The following LCLAT1 variants were observed in gnomAD, a reference collection of about 807,000 sequenced individuals.
LCLAT1 encodes 1-AGP acyltransferase 8.
In LCLAT1, 11 loss-of-function variants were observed where a neutral mutation model predicts 30.7. That is an observed-to-expected ratio of 0.36 (90% CI 0.23 to 0.59). The LOEUF (loss-of-function observed/expected upper bound fraction) is 0.59, where lower values mean the gene tolerates loss of function less well. Ranked by LOEUF, LCLAT1 falls within the 20% of genes least tolerant of loss-of-function variation. The pLI is 0.77. For missense variants in LCLAT1, 402 were observed against 458.6 expected (o/e 0.88, Z 1.13); for synonymous variants, 155 against 151.3 (o/e 1.02, Z -0.18).
At chr2:30,580,921 A>G (rs898565179) in intron 5 of LCLAT1, among the ~76,000 whole-genome samples, 1 of 152,172 alleles carries the variant, frequency 6.6e-6, no homozygotes, top group Non-Finnish European at 1.5e-5. Flanking sequence ...TGGCTTTAGC[A>G]TCATCATAGT....
At chr2:30,562,425 A>G (rs1665274364) in intron 4 of LCLAT1, 133 bp downstream of exon 4, 7 of 637,366 alleles carry the variant, frequency 1.1e-5, no homozygotes, top group Non-Finnish European at 1.7e-5. Context: ...AATCCTAGCT[A>G]CTCAGGAGGC....
chr2:30,552,558 A>G (rs922357176), intron 3 of LCLAT1: 1 of 450,444 alleles, frequency 2.2e-6, no homozygotes, highest in South Asian at 1.6e-5. Context: ...CAAAAATGTC[A>G]TAAAATTACC....
At chr2:30,627,577 C>CTA (rs1330265111) in intron 5 of LCLAT1, among the ~76,000 whole-genome samples, 1 of 152,156 alleles carries the variant, frequency 6.6e-6, no homozygotes, top group Non-Finnish European at 1.5e-5. Flanking sequence ...TTATCAATAG[C>CTA]TATTCAGTTC....
chr2:30,575,176 C>T (rs140806824), intron 5 of LCLAT1, among the ~76,000 whole-genome samples: 1 of 152,120 alleles, frequency 6.6e-6, no homozygotes, highest in African/African-American at 2.4e-5. Flanking sequence ...TTTCTGACCT[C>T]TCCAGGTTAT....
intron 1 of LCLAT1, among the ~76,000 whole-genome samples, chr2:30,511,116 G>A (rs1684919527): frequency 6.6e-6 from 1 of 152,078 alleles, no homozygotes; most frequent in Non-Finnish European, 1.5e-5. Flanking sequence ...TAAAAAATGG[G>A]TGATTTAGAA....
chr2:30,557,277 TATG>T (rs1664964840), intron 3 of LCLAT1, among the ~76,000 whole-genome samples: 1 of 143,454 alleles, frequency 7.0e-6, no homozygotes, highest in African/African-American at 2.7e-5. Flanking sequence ...GTGTAGAAGG[TATG>T]ATCGTGTGTG....
chr2:30,589,871 A>G (rs931102351), intron 5 of LCLAT1, among the ~76,000 whole-genome samples: 1 of 152,202 alleles, frequency 6.6e-6, no homozygotes, highest in Non-Finnish European at 1.5e-5. Context: ...AATGTTTAGT[A>G]ACAGGCCAGG....
intron 4 of LCLAT1, among the ~76,000 whole-genome samples, chr2:30,567,810 C>T (rs1665561813): frequency 6.6e-6 from 1 of 152,160 alleles, no homozygotes; most frequent in South Asian, 2.1e-4. Flanking sequence ...CTTTCCCTCC[C>T]ACCAAACTTG....
At chr2:30,456,591 T>C (rs1300732951) in intron 1 of LCLAT1, among the ~76,000 whole-genome samples, 1 of 152,142 alleles carries the variant, frequency 6.6e-6, no homozygotes. Flanking sequence ...TTCTGTGATA[T>C]TGGCTGGAGG....
chr2:30,615,637 T>C (rs1667960269), intron 5 of LCLAT1, among the ~76,000 whole-genome samples: 1 of 152,152 alleles, frequency 6.6e-6, no homozygotes, highest in African/African-American at 2.4e-5. Context: ...TAGGCTCAAA[T>C]AAGTTTCTGG....
At chr2:30,637,988 C>T (rs553847932) in intron 5 of LCLAT1, among the ~76,000 whole-genome samples, 36 of 152,236 alleles carry the variant, frequency 2.4e-4, no homozygotes, top group African/African-American at 7.7e-4. Context: ...CTACCCCCTG[C>T]GAACAATATA....
At chr2:30,568,689 A>T (rs1461321747) in intron 5 of LCLAT1, among the ~76,000 whole-genome samples, 34 of 150,436 alleles carry the variant, frequency 2.3e-4, no homozygotes, top group African/African-American at 6.8e-4. Context: ...TTGTATTTTC[A>T]GTAGAGAGGG....
intron 5 of LCLAT1, among the ~76,000 whole-genome samples, chr2:30,585,135 A>G (rs1666376105): frequency 6.6e-6 from 1 of 151,942 alleles, no homozygotes; most frequent in Non-Finnish European, 1.5e-5. Flanking sequence ...TATCTGCCTT[A>G]TTGCCTTCAT....
chr2:30,544,780 G>A (rs1049380293), intron 3 of LCLAT1, among the ~76,000 whole-genome samples: 1 of 152,124 alleles, frequency 6.6e-6, no homozygotes, highest in Non-Finnish European at 1.5e-5. Flanking sequence ...TTACCTTACA[G>A]AAATCCGTAT....
intron 5 of LCLAT1, among the ~76,000 whole-genome samples, chr2:30,635,997 C>T (rs192651395): frequency 6.6e-6 from 1 of 152,080 alleles, no homozygotes; most frequent in Non-Finnish European, 1.5e-5. Flanking sequence ...AGTAAGGGCA[C>T]AGGATGGCAA....
chr2:30,605,983 C>G lies in LCLAT1; in HGVS notation c.629-34134C>G, dbSNP rs780696713. 2.8e-5 allele frequency: 36 copies of G among 1,277,984 alleles called. 1 individual carries two copies. In the South Asian group the frequency reaches 4.5e-4, roughly 16 times the overall value. 79.2% of individuals were successfully genotyped at this position (1,277,984 alleles called of 1,614,324 possible). A position where few individuals can be genotyped will look rare whatever the true frequency, so the allele number is the denominator to read the frequency against. On this transcript the variant is annotated intron_variant, in intron 5 of 5. Coordinates refer to ENST00000379509, the MANE Select transcript of LCLAT1 (RefSeq NM_001002257.3). Reference sequence around the variant, plus strand: ...GGAGGGTTCTTGCTACCATGAGAATCTAATGCTCCCCACTCCCCACTCTGT... The same window carrying G: ...GGAGGGTTCTTGCTACCATGAGAATGTAATGCTCCCCACTCCCCACTCTGT...
chr2:30,547,034 A>G (rs1166643179), intron 3 of LCLAT1, among the ~76,000 whole-genome samples: 1 of 150,850 alleles, frequency 6.6e-6, no homozygotes, highest in Non-Finnish European at 1.5e-5. Context: ...AGGACTCAGT[A>G]ACACTCCACT....
chr2:30,455,554 T>G (rs1427598396), intron 1 of LCLAT1, among the ~76,000 whole-genome samples: 2 of 152,172 alleles, frequency 1.3e-5, no homozygotes, highest in Non-Finnish European at 2.9e-5. Context: ...CATTAATCTC[T>G]CCCTCTATGG....
At chr2:30,608,747 C>G (rs1216349147) in intron 5 of LCLAT1, among the ~76,000 whole-genome samples, 2 of 152,070 alleles carry the variant, frequency 1.3e-5, no homozygotes, top group Non-Finnish European at 1.5e-5. Context: ...TGAGTATGCT[C>G]TATGATGTTC....
Sources: allele counts gnomAD v4.1 joint callset (sites outside exome capture counted in the v4.1 genomes callset), GRCh38; gene constraint gnomAD v4.1.1; transcripts MANE v1.5; gene names NCBI Gene and HGNC (gene_info 2026-07-23, HGNC 2026-07-21).